The following KATNAL2 variants were observed in gnomAD, a reference collection of about 807,000 sequenced individuals.
The protein encoded by KATNAL2 is katanin catalytic subunit A1 like 2, also known as katanin p60 ATPase-containing subunit A-like 2.
A neutral mutation model predicts 76.3 loss-of-function variants in KATNAL2; 52 were observed. That is an observed-to-expected ratio of 0.68 (90% CI 0.55 to 0.86). The LOEUF (loss-of-function observed/expected upper bound fraction) is 0.86, where lower values mean the gene tolerates loss of function less well. Ranked by LOEUF, KATNAL2 falls within the 40% of genes least tolerant of loss-of-function variation. The probability of loss-of-function intolerance (pLI) is 0.00; values close to 1 mark genes in which losing one functional copy is unlikely to be tolerated. For missense variants in KATNAL2, 660 were observed against 668.9 expected, an observed-to-expected ratio of 0.99 and a Z score of 0.15; for synonymous variants, 243 against 244.2, an observed-to-expected ratio of 1.00 and a Z score of 0.05.
intron 15 of KATNAL2, among the ~76,000 whole-genome samples, chr18:47,097,548 G>C (rs1425118932): frequency 6.6e-6 from 1 of 152,178 alleles, no homozygotes; most frequent in Admixed American, 6.5e-5. Flanking sequence ...GAAATCATCA[G>C]ACAAATTCAG....
chr18:47,069,281 C>A lies in KATNAL2; in HGVS notation c.887C>A (p.Pro296Gln). The A allele has an allele frequency of 6.2e-7, 1 of 1,606,450 alleles. No individual in the cohort carries two copies. The highest frequency in any genetic ancestry group is 8.5e-7 in the Non-Finnish European group (1 of 1,175,458). Residue 296 changes from proline to glutamine, a missense_variant and splice_region_variant, in exon 12 of 18, where the codon CCA (proline) becomes CAA (glutamine). Pro to Gln is a moderately conservative substitution (Grantham distance 76). Coordinates refer to ENST00000683218, the MANE Select transcript of KATNAL2 (RefSeq NM_001387690.1). ...PWKGLLLYGP[P>Q]GTGKTLLAKA... ...AAAGGACTACTGCTGTACGGCCCTCCAGGTAAACACAGCTTCCTATTTTGA... is the reference window on the plus strand; with the variant it reads ...AAAGGACTACTGCTGTACGGCCCTCAAGGTAAACACAGCTTCCTATTTTGA...
intron 4 of KATNAL2, among the ~76,000 whole-genome samples, chr18:47,048,204 G>A (rs1310440894): frequency 6.6e-6 from 1 of 152,150 alleles, no homozygotes; most frequent in Non-Finnish European, 1.5e-5. Context: ...GAAATCTGGA[G>A]TTAGAGCAAG....
chr18:47,054,173 T>G (rs1278379619), intron 5 of KATNAL2, among the ~76,000 whole-genome samples: 1 of 152,240 alleles, frequency 6.6e-6, no homozygotes, highest in Non-Finnish European at 1.5e-5. Context: ...CTGAGCCCTT[T>G]GCAATCTTCC....
intron 1 of KATNAL2, chr18:46,919,925 G>A (rs2058437456): frequency 3.2e-5 from 15 of 470,898 alleles, no homozygotes; most frequent in South Asian, 2.5e-4. Flanking sequence ...GAATGCCACT[G>A]TGGGAGGAGT....
chr18:47,095,079 T>C (rs2063170464), intron 15 of KATNAL2, among the ~76,000 whole-genome samples: 1 of 152,218 alleles, frequency 6.6e-6, no homozygotes. Flanking sequence ...TCAGTTCTAC[T>C]AAGTTTCTTT....
chr18:47,100,415 A>G, intron 17 of KATNAL2, 59 bp downstream of exon 17: 1 of 1,370,686 alleles, frequency 7.3e-7, no homozygotes, highest in Non-Finnish European at 1.0e-6. Flanking sequence ...CCCTCTCACC[A>G]GCAGATGGAG....
At chr18:46,946,642 C>A in intron 2 of KATNAL2, 96 bp downstream of exon 2, 1 of 836,642 alleles carries the variant, frequency 1.2e-6, no homozygotes, top group Non-Finnish European at 1.4e-6. Flanking sequence ...CTTCCCTCTT[C>A]GATCTCTTCA....
chr18:46,938,979 G>A (rs1420340728), intron 1 of KATNAL2, among the ~76,000 whole-genome samples: 4 of 152,076 alleles, frequency 2.6e-5, no homozygotes, highest in East Asian at 3.9e-4. Context: ...TGAAGGCAGG[G>A]ACTTTATTCT....
rs1036990051 is a variant in KATNAL2, at chr18:46,920,443, T to C, written c.-510+2517T>C. Among the ~76,000 whole-genome samples the C allele has an allele frequency of 3.9e-5, 6 of 152,036 alleles. 1 individual carries two copies. In the South Asian group the frequency reaches 1.2e-3, roughly 32 times the overall value. On this transcript the variant is annotated intron_variant, in intron 1 of 17. Transcript: ENST00000683218. ...CCAACCCTTCTTGTGAGCAGAAAAA[T>C]CACACACACACAAAATCTCAGCATT...
Position 47,087,796 on chromosome 18 carries a change from C to G in KATNAL2, c.1211+10335C>G, listed in dbSNP as rs539103638. 4.7e-5 allele frequency among the ~76,000 whole-genome samples: 7 copies of G among 148,362 alleles called. No homozygotes were observed. The East Asian group carries it at 1.0e-3, about 22-fold the overall frequency. ...TGTGTGTGTGTGTAGAGCACATACA[C>G]AGAGCAACAAAAATGCGTTGTCCTG... On this transcript the variant is annotated intron_variant, in intron 15 of 17. Transcript: ENST00000683218.
chr18:47,043,651 C>A (rs1208673784), intron 3 of KATNAL2, among the ~76,000 whole-genome samples: 2 of 151,940 alleles, frequency 1.3e-5, no homozygotes, highest in East Asian at 3.9e-4. Context: ...TAGAGTAGAA[C>A]GGGAGGATAG....
At chr18:47,082,781 T>C (rs754579186) in intron 15 of KATNAL2, among the ~76,000 whole-genome samples, 17 of 152,146 alleles carry the variant, frequency 1.1e-4, no homozygotes, top group Non-Finnish European at 2.1e-4. Flanking sequence ...TGCTAGTGTA[T>C]CTTTGGGGTA....
chr18:47,073,112 C>T (rs2062064432), intron 13 of KATNAL2, among the ~76,000 whole-genome samples: 1 of 152,158 alleles, frequency 6.6e-6, no homozygotes, highest in Non-Finnish European at 1.5e-5. Flanking sequence ...TACTCGCTTA[C>T]AGTCCCATCA....
intron 1 of KATNAL2, among the ~76,000 whole-genome samples, chr18:46,933,730 G>T (rs533159831): frequency 7.0e-6 from 1 of 142,862 alleles, no homozygotes; most frequent in East Asian, 2.1e-4. Flanking sequence ...ATGTTGGTGT[G>T]CTGCACCCAT....
intron 3 of KATNAL2, among the ~76,000 whole-genome samples, chr18:47,039,778 T>C (rs940182242): frequency 6.6e-6 from 1 of 152,188 alleles, no homozygotes; most frequent in South Asian, 2.1e-4. Flanking sequence ...CTGAAATGCA[T>C]GTACGAAGCA....
chr18:47,081,014 CCCT>C (rs1316714142), intron 15 of KATNAL2, among the ~76,000 whole-genome samples: 8 of 150,708 alleles, frequency 5.3e-5, no homozygotes, highest in African/African-American at 1.7e-4. Context: ...TTCCCTCCTT[CCCT>C]CCTCCCTTTC....
At chr18:47,061,869 T>A (rs989723150) in intron 8 of KATNAL2, among the ~76,000 whole-genome samples, 68 of 152,212 alleles carry the variant, frequency 4.5e-4, no homozygotes, top group African/African-American at 1.3e-3. Flanking sequence ...TTATTATTTT[T>A]TTTTTTGGTG....
In KATNAL2 at chr18:47,033,080, T is replaced by A. The variant is rs1285961325; in HGVS notation, c.52-13377T>A. 3 of 1,614,148 alleles carry A rather than the reference T, an allele frequency of 1.9e-6. No individual in the cohort carries two copies. In the Admixed American group the frequency reaches 5.0e-5, roughly 27 times the overall value. On this transcript the variant is annotated intron_variant, in intron 3 of 17. Coordinates refer to ENST00000683218, the MANE Select transcript of KATNAL2 (RefSeq NM_001387690.1). ...GGGGCCACTTTCTTGGCAGCCTGTT[T>A]CCGGGTTTTGGCCGCGGGCGCCGCG...
At chr18:46,924,973 A>G (rs900717275) in intron 1 of KATNAL2, among the ~76,000 whole-genome samples, 2 of 152,180 alleles carry the variant, frequency 1.3e-5, no homozygotes, top group Non-Finnish European at 2.9e-5. Flanking sequence ...CAGCTTGAGG[A>G]GATTTTGGGC....
Sources: allele counts gnomAD v4.1 joint callset (sites outside exome capture counted in the v4.1 genomes callset), GRCh38; gene constraint gnomAD v4.1.1; transcripts MANE v1.5; gene names NCBI Gene and HGNC (gene_info 2026-07-23, HGNC 2026-07-21).